TAPT1: variants seen among roughly 807,000 people sequenced by gnomAD.
TAPT1 encodes the protein transmembrane anterior posterior transformation 1.
A neutral mutation model predicts 65.6 loss-of-function variants in TAPT1; 28 were observed. That is an observed-to-expected ratio of 0.43 (90% CI 0.32 to 0.59). The LOEUF is 0.59. Ranked by LOEUF, TAPT1 falls within the 20% of genes least tolerant of loss-of-function variation. TAPT1 has a pLI of 0.09. For synonymous variants in TAPT1, 278 were observed against 245.2 expected (o/e 1.13, Z -1.25); for missense variants, 563 against 679.9 (o/e 0.83, Z 1.91).
At chr4:16,226,618 G>T, upstream of TAPT1, 1 of 298,898 alleles carries the variant, frequency 3.3e-6, no homozygotes, top group Non-Finnish European at 4.9e-6. Flanking sequence ...CGTCAGCGAC[G>T]CGTGTGAGGC....
intron 2 of TAPT1, among the ~76,000 whole-genome samples, chr4:16,204,369 G>A (rs1353337540): frequency 1.3e-5 from 2 of 152,202 alleles, no homozygotes; most frequent in Non-Finnish European, 2.9e-5. Flanking sequence ...GGAACACACT[G>A]GGAAGTTCTT....
rs140715510 is a variant in TAPT1, at chr4:16,171,497, C to T, written c.1237-768G>A. Among the ~76,000 whole-genome samples the T allele has an allele frequency of 2.7e-3, 405 of 151,990 alleles. 1 individual carries two copies. The highest frequency in any genetic ancestry group is 9.2e-3 in the African/African-American group (383 of 41,434). On this transcript the variant is annotated intron_variant, in intron 11 of 13. Coordinates refer to ENST00000405303, the MANE Select transcript of TAPT1 (RefSeq NM_153365.3). The stretch of plus-strand genomic sequence containing the variant: ...GAGAAATAGAGAATTAGGGAGAAGT[C>T]GTCTTATCTAGTAATGTCAAGTTAT...
intron 3 of TAPT1, among the ~76,000 whole-genome samples, chr4:16,201,615 C>T (rs4698456): frequency 0.67 from 101,301 of 152,056 alleles, 33,936 homozygotes; most frequent in South Asian, 0.75. Context: ...AAGCCAAACT[C>T]GCTTTTAACC....
intron 1 of TAPT1, 119 bp from the exon 2 acceptor site, chr4:16,214,017 A>G (rs1407581896): frequency 3.9e-6 from 3 of 760,370 alleles, no homozygotes; most frequent in East Asian, 3.1e-5. Flanking sequence ...AATGTTATCT[A>G]TAATTCTATG....
At chr4:16,191,079 A>C (rs1207472046) in intron 4 of TAPT1, 1 of 294,562 alleles carries the variant, frequency 3.4e-6, no homozygotes, top group African/African-American at 2.1e-5. Flanking sequence ...CCCAGCCTAC[A>C]TGAGGACATG....
intron 4 of TAPT1, chr4:16,190,919 C>G (rs1166577266): frequency 6.4e-6 from 1 of 156,004 alleles, no homozygotes; most frequent in African/African-American, 2.4e-5. Context: ...TTTCTTACAG[C>G]AAACATATAC....
chr4:16,191,299 G>T, intron 4 of TAPT1, 62 bp downstream of exon 4: 1 of 1,508,292 alleles, frequency 6.6e-7, no homozygotes. Flanking sequence ...GGTACCTTCA[G>T]AACTGAAGAC....
At chr4:16,219,575 T>C (rs1311915014) in intron 1 of TAPT1, among the ~76,000 whole-genome samples, 1 of 152,234 alleles carries the variant, frequency 6.6e-6, no homozygotes, top group Non-Finnish European at 1.5e-5. Context: ...ACAACAAAGT[T>C]TCATAAGGTA....
chr4:16,215,187 A>T (rs1305514579), intron 1 of TAPT1, among the ~76,000 whole-genome samples: 22 of 152,068 alleles, frequency 1.4e-4, no homozygotes, highest in Non-Finnish European at 2.9e-5. Flanking sequence ...GCTGCTTGGG[A>T]GGCTGAGGCA....
At chr4:16,194,405 A>G (rs1749564401) in intron 3 of TAPT1, among the ~76,000 whole-genome samples, 1 of 152,230 alleles carries the variant, frequency 6.6e-6, no homozygotes, top group Non-Finnish European at 1.5e-5. Context: ...AAGTTCCCAC[A>G]CGGTGCAGCA....
At position 16,162,937 on chromosome 4, in the gene TAPT1, C is replaced by A; in HGVS notation, c.*371G>T. 2.3e-6 allele frequency: 1 copy of A among 440,362 alleles called. No homozygotes were observed. Among genetic ancestry groups the A allele is most frequent in the Non-Finnish European group, 4.6e-6 (1 of 215,076 alleles). 27.3% of individuals were successfully genotyped at this position (440,362 alleles called of 1,614,324 possible). On this transcript the variant is annotated 3_prime_UTR_variant, in exon 14 of 14. Coordinates refer to ENST00000405303, the MANE Select transcript of TAPT1 (RefSeq NM_153365.3). Reference sequence around the variant, plus strand: ...TCGTGGTAAAAGTTTCACAGTTTTCCAGGTATTTCCTTATACTGAAGAGGC... The same window carrying A: ...TCGTGGTAAAAGTTTCACAGTTTTCAAGGTATTTCCTTATACTGAAGAGGC...
At chr4:16,193,356 G>C (rs1249045258) in intron 3 of TAPT1, among the ~76,000 whole-genome samples, 1 of 152,154 alleles carries the variant, frequency 6.6e-6, no homozygotes, top group Non-Finnish European at 1.5e-5. Context: ...AGGAAAGATT[G>C]CATCACGGCC....
In TAPT1 at chr4:16,202,599, A is replaced by G. The variant is rs966319668; in HGVS notation, c.331-19T>C. On this transcript the variant is annotated intron_variant, in intron 2 of 13. Transcript: ENST00000405303. ...CCATCAGCTGAATTTTAACAAGGAG[A>G]GAAGAAAAAAAAAAAGTATTTTAAA... is the stretch of plus-strand genomic sequence containing the variant. 4 of 1,320,640 alleles carry G rather than the reference A, an allele frequency of 3.0e-6. No homozygotes were observed. Among genetic ancestry groups the G allele is most frequent in the African/African-American group, 1.5e-5 (1 of 66,698 alleles). 81.8% of individuals were successfully genotyped at this position (1,320,640 alleles called of 1,614,324 possible).
At chr4:16,197,925 T>C (rs1749812177) in intron 3 of TAPT1, among the ~76,000 whole-genome samples, 1 of 152,224 alleles carries the variant, frequency 6.6e-6, no homozygotes, top group South Asian at 2.1e-4. Flanking sequence ...TCAGAAACTA[T>C]TTCAGTGAAG....
intron 1 of TAPT1, among the ~76,000 whole-genome samples, chr4:16,217,610 G>C (rs79142904): frequency 0.04 from 6,042 of 152,268 alleles, 345 homozygotes; most frequent in African/African-American, 0.13. Flanking sequence ...TCTATTGAAA[G>C]ATGATCTATA....
At chr4:16,205,294 T>C (rs955026415) in intron 2 of TAPT1, among the ~76,000 whole-genome samples, 2 of 152,228 alleles carry the variant, frequency 1.3e-5, no homozygotes, top group African/African-American at 4.8e-5. Flanking sequence ...CTGGAAATTC[T>C]GAATACCATC....
In TAPT1 at chr4:16,177,753, T is replaced by G. The variant is rs1268539229; in HGVS notation, c.998-1525A>C. Among the ~76,000 whole-genome samples the G allele has an allele frequency of 2.0e-5, 3 of 152,214 alleles. No individual in the cohort carries two copies. The East Asian group carries it at 5.8e-4, about 29-fold the overall frequency. Reference sequence around the variant, plus strand: ...TGTGCCTGGCATACAAAATGGCTAGTGCTGTTTTTATGTTCCTCATGACCC... The same window carrying G: ...TGTGCCTGGCATACAAAATGGCTAGGGCTGTTTTTATGTTCCTCATGACCC... On this transcript the variant is annotated intron_variant, in intron 8 of 13. Transcript: ENST00000405303.
chr4:16,172,553 C>A (rs1748073420), intron 11 of TAPT1, among the ~76,000 whole-genome samples: 1 of 151,924 alleles, frequency 6.6e-6, no homozygotes, highest in Non-Finnish European at 1.5e-5. Flanking sequence ...CAAAAGAAAG[C>A]TATATTATGA....
intron 7 of TAPT1, among the ~76,000 whole-genome samples, chr4:16,184,770 G>A (rs1163797728): frequency 1.3e-5 from 2 of 152,050 alleles, no homozygotes; most frequent in African/African-American, 4.8e-5. Context: ...ATTTTCTTTT[G>A]TGAAATGTCT....
Sources: gnomAD v4.1 joint callset for allele counts (sites outside exome capture counted in the v4.1 genomes callset) on GRCh38, gnomAD v4.1.1 for gene constraint, MANE v1.5 for transcripts, NCBI Gene and HGNC (gene_info 2026-07-23, HGNC 2026-07-21) for gene names.